Variants in MARCHF6 observed in about 807,000 individuals in gnomAD.
MARCHF6 encodes the protein E3 ubiquitin-protein ligase MARCHF6.
Under a neutral mutation model 133.7 loss-of-function variants are expected in MARCHF6, and 31 were observed. The ratio of observed to expected loss-of-function variants is 0.23; its 90% CI spans 0.17 to 0.31. The LOEUF (loss-of-function observed/expected upper bound fraction) is 0.31, where lower values mean the gene tolerates loss of function less well. Ranked by LOEUF, MARCHF6 falls within the 10% of genes least tolerant of loss-of-function variation. The pLI, the probability that MARCHF6 is intolerant of heterozygous loss-of-function variation, is 1.00. For missense variants in MARCHF6, 723 were observed against 1,121.6 expected (o/e 0.64, Z 5.08); for synonymous variants, 395 against 402.5 (o/e 0.98, Z 0.22).
rs548204298 is a variant in MARCHF6 at position 10,402,535 on chromosome 5, C to T, written c.1125C>T (p.Val375=). ...LLGVCYIVVK[V]SLLVVVEIGV... ...GATGACCTTTATTTTCACTTAAGGT[C>T]TCTTTGTTAGTGGTGGTAGAAATTG... Residue 375 remains valine, a splice_region_variant and synonymous_variant, in exon 14 of 26, where the codon GTC becomes GTT. Coordinates refer to ENST00000274140, the MANE Select transcript of MARCHF6 (RefSeq NM_005885.4). 45 of 1,613,630 alleles carry T rather than the reference C, an allele frequency of 2.8e-5. No individual in the cohort carries two copies. The East Asian group carries it at 8.5e-4, about 30-fold the overall frequency.
chr5:10,412,666 G>A (rs867619261), intron 19 of MARCHF6, among the ~76,000 whole-genome samples: 2 of 152,120 alleles, frequency 1.3e-5, no homozygotes, highest in Admixed American at 6.5e-5. Context: ...TTAACCTCCT[G>A]GGTTCAAGCG....
chr5:10,422,221 C>T (rs927243109), intron 22 of MARCHF6, among the ~76,000 whole-genome samples: 22 of 151,826 alleles, frequency 1.4e-4, no homozygotes, highest in East Asian at 3.9e-4. Context: ...CTGGGCAAAA[C>T]GGAAGAGGAA....
At chr5:10,433,057 AT>A (rs1166769377) in intron 25 of MARCHF6, among the ~76,000 whole-genome samples, 2 of 151,800 alleles carry the variant, frequency 1.3e-5, no homozygotes, top group Non-Finnish European at 2.9e-5. Flanking sequence ...CACCCAGCTA[AT>A]TTTGTATTTT....
At position 10,400,776 on chromosome 5, in the gene MARCHF6, C is replaced by G. The variant is rs2126759091; in HGVS notation, c.914-8C>G. 6.2e-7 allele frequency: 1 copy of G among 1,610,198 alleles called. No individual in the cohort carries two copies. Among genetic ancestry groups the G allele is most frequent in the Non-Finnish European group, 8.5e-7 (1 of 1,176,734 alleles). The stretch of plus-strand genomic sequence containing the variant: ...GGAGTTTTCATGGAATTTTTTCCCC[C>G]TTTTTAGCATTTTGCCCTTACCATA... On this transcript the variant is annotated splice_region_variant and splice_polypyrimidine_tract_variant and intron_variant, in intron 10 of 25. Transcript: ENST00000274140.
rs1352975704 is a variant in MARCHF6, at chr5:10,440,333, C to T, written c.*6649C>T. 2.0e-5 allele frequency: 3 copies of T among 152,192 alleles called. No individual in the cohort carries two copies. Among genetic ancestry groups the T allele is most frequent in the Non-Finnish European group, 2.9e-5 (2 of 68,024 alleles). 9.4% of individuals were successfully genotyped at this position (152,192 alleles called of 1,614,324 possible). A position where few individuals can be genotyped will look rare whatever the true frequency, so the allele number is the denominator to read the frequency against. ...CTGCTGTTAATAGTTTAGTTGTGTG[C>T]TTCCAGACATACCTTCACAGAATCA... is the stretch of plus-strand genomic sequence containing the variant. On this transcript the variant is annotated 3_prime_UTR_variant, in exon 26 of 26. Coordinates refer to ENST00000274140, the MANE Select transcript of MARCHF6 (RefSeq NM_005885.4).
intron 9 of MARCHF6, among the ~76,000 whole-genome samples, chr5:10,395,299 G>A (rs1355120295): frequency 6.6e-6 from 1 of 152,124 alleles, no homozygotes; most frequent in Non-Finnish European, 1.5e-5. Flanking sequence ...TTGATTTTTA[G>A]CAAAGAAAAT....
chr5:10,398,213 A>T (rs772547965), intron 10 of MARCHF6, among the ~76,000 whole-genome samples: 23 of 152,186 alleles, frequency 1.5e-4, no homozygotes, highest in Non-Finnish European at 2.2e-4. Flanking sequence ...AGATTTCCCA[A>T]GGCTTCTTCC....
intron 3 of MARCHF6, among the ~76,000 whole-genome samples, chr5:10,380,457 T>C (rs1737066889): frequency 6.6e-6 from 1 of 152,232 alleles, no homozygotes; most frequent in African/African-American, 2.4e-5. Flanking sequence ...TGTGGGCTTT[T>C]ACTTTGAGGC....
intron 15 of MARCHF6, among the ~76,000 whole-genome samples, chr5:10,405,144 C>G (rs1354612280): frequency 6.6e-6 from 1 of 152,160 alleles, no homozygotes; most frequent in South Asian, 2.1e-4. Flanking sequence ...CCTCCTTTAC[C>G]CCATCACCTG....
At chr5:10,374,449 G>C (rs2126681013) in intron 1 of MARCHF6, among the ~76,000 whole-genome samples, 1 of 152,180 alleles carries the variant, frequency 6.6e-6, no homozygotes, top group East Asian at 1.9e-4. Context: ...GTGTGCACTT[G>C]AAGAAAATTA....
rs569797282 is a variant in MARCHF6 at position 10,393,444 on chromosome 5, G to A, written c.767-638G>A. On this transcript the variant is annotated intron_variant, in intron 7 of 25. Coordinates refer to ENST00000274140, the MANE Select transcript of MARCHF6 (RefSeq NM_005885.4). ...GGTATTTGAGCTGAGACCTCTGAAGGATGAGAAAAAGCGACTTGTGTAATG... is the reference window on the plus strand; with the variant it reads ...GGTATTTGAGCTGAGACCTCTGAAGAATGAGAAAAAGCGACTTGTGTAATG... Among the ~76,000 whole-genome samples the A allele has an allele frequency of 4.6e-5, 7 of 152,098 alleles. No individual in the cohort carries two copies. In the East Asian group the frequency reaches 1.4e-3, roughly 30 times the overall value.
intron 22 of MARCHF6, chr5:10,422,139 C>A (rs920092582): frequency 3.3e-5 from 5 of 152,136 alleles, no homozygotes; most frequent in African/African-American, 9.7e-5. Context: ...TCAGACAAAT[C>A]TAGTAGTGAA....
chr5:10,408,458 C>G (rs1739036049), intron 17 of MARCHF6, among the ~76,000 whole-genome samples: 1 of 152,206 alleles, frequency 6.6e-6, no homozygotes, highest in Non-Finnish European at 1.5e-5. Flanking sequence ...CTTTTTCTCT[C>G]TGTTTACAAT....
At chr5:10,417,484 C>T (rs973762230) in intron 22 of MARCHF6, 80 bp downstream of exon 22, 76 of 1,557,058 alleles carry the variant, frequency 4.9e-5, no homozygotes, top group South Asian at 1.6e-4. Context: ...ATGGGGCTTA[C>T]GCCTATAATC....
intron 1 of MARCHF6, among the ~76,000 whole-genome samples, chr5:10,365,680 G>A (rs966006734): frequency 3.9e-4 from 60 of 152,180 alleles, no homozygotes; most frequent in African/African-American, 1.4e-3. Context: ...CCTCAAAAAG[G>A]AAATATTTTT....
rs79352167 is a variant in MARCHF6 at position 10,365,799 on chromosome 5, G to A, written c.19+11882G>A. Among the ~76,000 whole-genome samples, 162 of 152,202 alleles carry A rather than the reference G, an allele frequency of 1.1e-3. 1 individual carries two copies. The highest frequency in any genetic ancestry group is 3.8e-3 in the African/African-American group (157 of 41,524). On this transcript the variant is annotated intron_variant, in intron 1 of 25. Transcript: ENST00000274140. ...AGGAAGAAAAATTACCCATGTTCTC[G>A]TCTGACCAATTACAGTGGCTGTCTT...
At chr5:10,355,390 G>T (rs1485781903) in intron 1 of MARCHF6, among the ~76,000 whole-genome samples, 1 of 152,162 alleles carries the variant, frequency 6.6e-6, no homozygotes, top group East Asian at 1.9e-4. Flanking sequence ...CACAGGATAG[G>T]TACGGACGTA....
At position 10,437,037 on chromosome 5, in the gene MARCHF6, T is replaced by G. The variant is rs1365679239; in HGVS notation, c.*3353T>G. ...AATGCCACTATTAAAGTGTAATTCT[T>G]GAATTTAGGTTGAATTGATGACTTT... On this transcript the variant is annotated 3_prime_UTR_variant, in exon 26 of 26. Transcript: ENST00000274140. 1 of 152,258 alleles carries G rather than the reference T, an allele frequency of 6.6e-6. No individual in the cohort carries two copies. The highest frequency in any genetic ancestry group is 6.5e-5 in the Admixed American group (1 of 15,292). The allele number at this position is 152,258 out of a possible 1,614,324, so 9.4% of individuals were successfully genotyped here.
intron 3 of MARCHF6, among the ~76,000 whole-genome samples, chr5:10,380,605 A>G (rs1163412579): frequency 6.6e-6 from 1 of 152,180 alleles, no homozygotes; most frequent in Non-Finnish European, 1.5e-5. Flanking sequence ...ATCGAAGTCA[A>G]TGATCTGTGG....
Sources: gnomAD v4.1 joint callset for allele counts (sites outside exome capture counted in the v4.1 genomes callset) on GRCh38, gnomAD v4.1.1 for gene constraint, MANE v1.5 for transcripts, NCBI Gene and HGNC (gene_info 2026-07-23, HGNC 2026-07-21) for gene names.